SEMA6D: variants seen among roughly 807,000 people sequenced by gnomAD.
SEMA6D encodes semaphorin-6D.
A neutral mutation model predicts 106.6 loss-of-function variants in SEMA6D; 35 were observed. That is an observed-to-expected ratio of 0.33 (90% CI 0.25 to 0.44). SEMA6D has a LOEUF of 0.44. SEMA6D is among the 20% of genes least tolerant of loss of function. The pLI, the probability that SEMA6D is intolerant of heterozygous loss-of-function variation, is 1.00. For missense variants in SEMA6D, 1,185 were observed against 1,345.9 expected, an observed-to-expected ratio of 0.88 and a Z score of 1.87; for synonymous variants, 499 against 487.7, an observed-to-expected ratio of 1.02 and a Z score of -0.31.
chr15:47,367,721 CACACACAG>C (rs1476144643), intron 1 of SEMA6D, among the ~76,000 whole-genome samples: 42 of 21,706 alleles, frequency 1.9e-3, no homozygotes, highest in South Asian at 3.3e-3. Context: ...CACACACACA[CACACACAG>C]AGAGAGAGAA....
chr15:47,728,585 G>A lies in SEMA6D; in HGVS notation c.-55+10893G>A, dbSNP rs1365998380. Among the ~76,000 whole-genome samples, 4 of 152,112 alleles carry A rather than the reference G, an allele frequency of 2.6e-5. 1 individual carries two copies. Among genetic ancestry groups the A allele is most frequent in the African/African-American group, 4.8e-5 (2 of 41,402 alleles). On this transcript the variant is annotated intron_variant, in intron 1 of 18. Coordinates refer to ENST00000536845, the MANE Select transcript of SEMA6D (RefSeq NM_001358351.3). ...GCTCAAGGAGCATCACTTAGTTTCC[G>A]ATCGCTGTTGTAACGAATTTCCACA...
chr15:47,528,340 C>T (rs765181239), intron 3 of SEMA6D, among the ~76,000 whole-genome samples: 16 of 152,112 alleles, frequency 1.1e-4, no homozygotes, highest in Non-Finnish European at 2.4e-4. Context: ...CTTCATGGCT[C>T]CTAAGGGCTG....
intron 3 of SEMA6D, among the ~76,000 whole-genome samples, chr15:47,580,417 A>G: frequency 6.6e-6 from 1 of 152,184 alleles, no homozygotes; most frequent in Admixed American, 6.5e-5. Context: ...AGCAAGGTGC[A>G]AGGACCTAGG....
chr15:47,438,603 C>G (rs549593890), intron 2 of SEMA6D, among the ~76,000 whole-genome samples: 3 of 151,912 alleles, frequency 2.0e-5, no homozygotes, highest in Non-Finnish European at 4.4e-5. Flanking sequence ...GGCTTCTGCC[C>G]CAGGATCTTG....
At chr15:47,220,234 C>T (rs1226144264) in intron 1 of SEMA6D, among the ~76,000 whole-genome samples, 1 of 152,136 alleles carries the variant, frequency 6.6e-6, no homozygotes, top group Non-Finnish European at 1.5e-5. Flanking sequence ...AGAATTGGAG[C>T]CCTTTCTGCA....
chr15:47,675,781 G>C (rs548929368), intron 4 of SEMA6D, among the ~76,000 whole-genome samples: 14 of 152,292 alleles, frequency 9.2e-5, no homozygotes, highest in African/African-American at 3.4e-4. Context: ...CTTCTGTGGT[G>C]GTTCTGGGCT....
intron 4 of SEMA6D, among the ~76,000 whole-genome samples, chr15:47,684,146 A>G (rs1029412074): frequency 2.6e-5 from 4 of 152,200 alleles, no homozygotes; most frequent in African/African-American, 9.6e-5. Flanking sequence ...GGCTACATCA[A>G]ACACTGCCTA....
intron 1 of SEMA6D, among the ~76,000 whole-genome samples, chr15:47,290,945 C>T (rs2035570281): frequency 1.3e-5 from 2 of 152,216 alleles, no homozygotes; most frequent in South Asian, 4.2e-4. Context: ...TGGAAATAGC[C>T]CTCTTATACA....
chr15:47,692,957 C>A (rs568892626), intron 4 of SEMA6D, among the ~76,000 whole-genome samples: 3 of 152,072 alleles, frequency 2.0e-5, no homozygotes, highest in Non-Finnish European at 4.4e-5. Flanking sequence ...TAGAGAGTAT[C>A]CCTCTCCCAC....
chr15:47,637,848 C>A (rs925154201), intron 4 of SEMA6D, among the ~76,000 whole-genome samples: 2 of 152,184 alleles, frequency 1.3e-5, no homozygotes, highest in Non-Finnish European at 2.9e-5. Context: ...GCCACATGTT[C>A]CAACAAAGTT....
chr15:47,571,199 C>T (rs764619719), intron 3 of SEMA6D, among the ~76,000 whole-genome samples: 14 of 152,054 alleles, frequency 9.2e-5, no homozygotes, highest in Non-Finnish European at 1.8e-4. Flanking sequence ...TACTCTTCGG[C>T]CCACTTGCTT....
intron 1 of SEMA6D, among the ~76,000 whole-genome samples, chr15:47,223,361 T>C (rs1349032913): frequency 6.6e-6 from 1 of 152,138 alleles, no homozygotes; most frequent in African/African-American, 2.4e-5. Context: ...GTTTTAAACC[T>C]GTAACTTTTC....
At chr15:47,663,948 T>G (rs534662379) in intron 4 of SEMA6D, among the ~76,000 whole-genome samples, 9 of 152,346 alleles carry the variant, frequency 5.9e-5, no homozygotes, top group African/African-American at 2.2e-4. Context: ...CTGAGTCTTC[T>G]GACTTTTGGA....
chr15:47,327,003 A>G (rs1299262213), intron 1 of SEMA6D, among the ~76,000 whole-genome samples: 3 of 152,192 alleles, frequency 2.0e-5, no homozygotes, highest in African/African-American at 7.2e-5. Context: ...CCTGGACAGT[A>G]GAAGTCAGCC....
intron 3 of SEMA6D, among the ~76,000 whole-genome samples, chr15:47,591,395 AGAGGCTTC>A (rs2076436700): frequency 6.6e-6 from 1 of 152,202 alleles, no homozygotes; most frequent in African/African-American, 2.4e-5. Flanking sequence ...CTGTATGTCC[AGAGGCTTC>A]TCCACATGAC....
intron 3 of SEMA6D, among the ~76,000 whole-genome samples, chr15:47,510,684 C>A (rs2044199404): frequency 6.6e-6 from 1 of 152,144 alleles, no homozygotes; most frequent in Non-Finnish European, 1.5e-5. Context: ...GCAGTAAGTG[C>A]CACAGGAAAT....
At chr15:47,488,282 G>T (rs1260465118) in intron 3 of SEMA6D, among the ~76,000 whole-genome samples, 1 of 152,056 alleles carries the variant, frequency 6.6e-6, no homozygotes, top group African/African-American at 2.4e-5. Context: ...GCTGTCAACA[G>T]TTGGGAGATA....
chr15:47,478,346 T>C (rs2043056279), intron 3 of SEMA6D, among the ~76,000 whole-genome samples: 1 of 152,182 alleles, frequency 6.6e-6, no homozygotes, highest in South Asian at 2.1e-4. Context: ...TTGCATTTAT[T>C]AGTGGTCACT....
At chr15:47,641,076 G>A (rs542667930) in intron 4 of SEMA6D, among the ~76,000 whole-genome samples, 2 of 152,176 alleles carry the variant, frequency 1.3e-5, no homozygotes, top group African/African-American at 2.4e-5. Context: ...CGGAGTGGGA[G>A]GGGGAGGAGT....
Sources: gnomAD v4.1 joint callset for allele counts (sites outside exome capture counted in the v4.1 genomes callset) on GRCh38, gnomAD v4.1.1 for gene constraint, MANE v1.5 for transcripts, NCBI Gene and HGNC (gene_info 2026-07-23, HGNC 2026-07-21) for gene names.